The following GIGYF2 variants were observed in gnomAD, a reference collection of about 807,000 sequenced individuals.
The protein encoded by GIGYF2 is GRB10-interacting GYF protein 2.
Under a neutral mutation model 208.1 loss-of-function variants are expected in GIGYF2, and 25 were observed. That is an observed-to-expected ratio of 0.12 (90% CI 0.09 to 0.17). GIGYF2 has a LOEUF of 0.17. Ranked by LOEUF, GIGYF2 falls within the 10% of genes least tolerant of loss-of-function variation. The pLI is 1.00. For missense variants in GIGYF2, 1,302 were observed against 1,579.4 expected, an observed-to-expected ratio of 0.82 and a Z score of 2.98; for synonymous variants, 534 against 543.8, an observed-to-expected ratio of 0.98 and a Z score of 0.25.
chr2:232,711,779 T>C (rs1384537672), intron 2 of GIGYF2, among the ~76,000 whole-genome samples: 1 of 149,474 alleles, frequency 6.7e-6, no homozygotes, highest in African/African-American at 2.4e-5. Context: ...TATTCTTTGA[T>C]ATTACACTAA....
Position 232,847,528 on chromosome 2 carries a change from A to AGCAGCAGCC in GIGYF2, c.3644_3652dup (p.Gln1215_Pro1217dup), listed in dbSNP as rs1314395771. On this transcript the variant is annotated inframe_insertion, in exon 27 of 29. Coordinates refer to ENST00000373563, the MANE Select transcript of GIGYF2 (RefSeq NM_001103146.3). Reference sequence around the variant, plus strand: ...CAGCAGCAGCTGCCACAGCAGCAGCAGCAGCAGCCGCCACAGCAGCCGCCA... The same window carrying AGCAGCAGCC: ...CAGCAGCAGCTGCCACAGCAGCAGCAGCAGCAGCCGCAGCAGCCGCCACAGCAGCCGCCA... 3 of 1,605,368 alleles carry AGCAGCAGCC rather than the reference A, an allele frequency of 1.9e-6. No homozygotes were observed. In the African/African-American group the frequency reaches 4.0e-5, roughly 22 times the overall value.
chr2:232,783,362 T>A (rs931652257), intron 8 of GIGYF2, among the ~76,000 whole-genome samples: 3 of 152,206 alleles, frequency 2.0e-5, no homozygotes, highest in Non-Finnish European at 4.4e-5. Context: ...TTTTGTTTAT[T>A]ATTTTTCTTA....
rs374448147 is a variant in GIGYF2 at position 232,806,460 on chromosome 2, T to C, written c.1640-31T>C. ...CTCTTTGAGTCTGAAAGGTTTCTTA[T>C]TGTCTTTCTGTTTAATTGGTGCTGT... On this transcript the variant is annotated intron_variant, in intron 14 of 28. Transcript: ENST00000373563. This position sits in a 1 kb window ranked among gnomAD's most constrained non-coding sequence, Gnocchi z 4.0. The C allele has an allele frequency of 1.5e-5, 22 of 1,486,834 alleles. No individual in the cohort carries two copies. Among genetic ancestry groups the C allele is most frequent in the East Asian group, 4.5e-5 (2 of 44,326 alleles). The allele number at this position is 1,486,834 out of a possible 1,614,324, so 92.1% of individuals were successfully genotyped here. A position where few individuals can be genotyped will look rare whatever the true frequency, so the allele number is the denominator to read the frequency against.
chr2:232,744,453 A>T (rs1698073894), intron 3 of GIGYF2, among the ~76,000 whole-genome samples: 1 of 152,168 alleles, frequency 6.6e-6, no homozygotes, highest in African/African-American at 2.4e-5. Context: ...GTTCTAATAA[A>T]ATATATGTAT....
rs868533512 is a variant in GIGYF2, at chr2:232,847,522, A to C, written c.3635A>C (p.Gln1212Pro). ...QQRQQQQLPQ[Q>P]QQQQPPQQPP... ...CGTCAGCAGCAGCAGCTGCCACAGC[A>C]GCAGCAGCAGCAGCCGCCACAGCAG... Residue 1212 changes from glutamine (Q) to proline (P), a missense_variant, in exon 27 of 29, where the codon CAG (glutamine) becomes CCG (proline). Physicochemically the swap from Gln to Pro is moderately conservative, Grantham distance 76 (BLOSUM62 -1). Coordinates refer to ENST00000373563, the MANE Select transcript of GIGYF2 (RefSeq NM_001103146.3). The C allele has an allele frequency of 4.2e-6, 6 of 1,427,526 alleles. No homozygotes were observed. The highest frequency in any genetic ancestry group is 1.4e-5 in the African/African-American group (1 of 70,218). 88.4% of individuals were successfully genotyped at this position (1,427,526 alleles called of 1,614,324 possible).
chr2:232,794,207 A>G (rs963293775), intron 12 of GIGYF2, among the ~76,000 whole-genome samples: 4 of 152,224 alleles, frequency 2.6e-5, no homozygotes, highest in Non-Finnish European at 1.5e-5. Flanking sequence ...AACCTCTTTT[A>G]TAATTTGTAT....
rs61071359 is a variant in GIGYF2, at chr2:232,777,114, C to CT, written c.533-10025dup. On this transcript the variant is annotated intron_variant, in intron 8 of 28. Coordinates refer to ENST00000373563, the MANE Select transcript of GIGYF2 (RefSeq NM_001103146.3). ...TTTATTTTTTTGGTTAGGAAACAAACTTTTTTTTTTTAAAGGCTGTATACA... is the reference window on the plus strand; with the variant it reads ...TTTATTTTTTTGGTTAGGAAACAAACTTTTTTTTTTTTAAAGGCTGTATACA... Among the ~76,000 whole-genome samples the CT allele has an allele frequency of 4.2e-3, 617 of 146,146 alleles. 3 individuals carry two copies. Among genetic ancestry groups the CT allele is most frequent in the South Asian group, 9.1e-3 (42 of 4,640 alleles).
chr2:232,779,300 A>G (rs1216522910), intron 8 of GIGYF2, among the ~76,000 whole-genome samples: 1 of 152,224 alleles, frequency 6.6e-6, no homozygotes, highest in African/African-American at 2.4e-5. Flanking sequence ...GATTAAATTA[A>G]ACAAGGTACC....
At chr2:232,824,511 G>A (rs1453853709) in intron 21 of GIGYF2, among the ~76,000 whole-genome samples, 1 of 152,198 alleles carries the variant, frequency 6.6e-6, no homozygotes, top group East Asian at 1.9e-4. Context: ...CCAGAACAAG[G>A]CCTCAAAACT....
At chr2:232,768,330 A>G in intron 8 of GIGYF2, 2 of 1,614,198 alleles carry the variant, frequency 1.2e-6, no homozygotes, top group East Asian at 2.2e-5. Context: ...AAAATTCTCC[A>G]TCTTGATTTG....
At chr2:232,771,589 G>T (rs987584898) in intron 8 of GIGYF2, among the ~76,000 whole-genome samples, 3 of 152,024 alleles carry the variant, frequency 2.0e-5, no homozygotes, top group Non-Finnish European at 4.4e-5. Flanking sequence ...CTCTTCTATT[G>T]TTTCTTTGAA....
chr2:232,822,594 C>T (rs4973559), intron 21 of GIGYF2, among the ~76,000 whole-genome samples: 97,294 of 151,364 alleles, frequency 0.64, 31,770 homozygotes, highest in African/African-American at 0.72. Context: ...GGCAGGAGAA[C>T]TGCTTGAACG....
chr2:232,757,297 C>G (rs1472591730), intron 6 of GIGYF2, among the ~76,000 whole-genome samples: 1 of 152,054 alleles, frequency 6.6e-6, no homozygotes, highest in Non-Finnish European at 1.5e-5. Flanking sequence ...ACTTGTTTTG[C>G]TAGGTACTAT....
intron 8 of GIGYF2, among the ~76,000 whole-genome samples, chr2:232,781,323 A>C (rs559337453): frequency 0.013 from 1,162 of 88,308 alleles, 9 homozygotes; most frequent in Non-Finnish European, 0.021. Context: ...CACACACACA[A>C]CTTATAAAGA....
intron 22 of GIGYF2, among the ~76,000 whole-genome samples, chr2:232,834,601 A>T (rs779468446): frequency 8.5e-5 from 13 of 152,174 alleles, no homozygotes; most frequent in Non-Finnish European, 5.9e-5. Flanking sequence ...AAACTGGAGA[A>T]GTTTTTAGCC....
At chr2:232,705,801 T>C (rs1696081057) in intron 2 of GIGYF2, 1 of 152,272 alleles carries the variant, frequency 6.6e-6, no homozygotes, top group African/African-American at 2.4e-5. Context: ...TTTCCTGGGT[T>C]CAAGCGATTC....
At chr2:232,809,658 TG>T in intron 15 of GIGYF2, 61 bp from the exon 16 acceptor site, 1 of 908,428 alleles carries the variant, frequency 1.1e-6, no homozygotes, top group Non-Finnish European at 1.9e-6. Context: ...CTGTACTAAG[TG>T]GCTTTTAGGT....
Position 232,812,436 on chromosome 2 carries a change from C to G in GIGYF2, c.2052C>G (p.Ser684=). 6.4e-7 allele frequency: 1 copy of G among 1,556,806 alleles called. No individual in the cohort carries two copies. The highest frequency in any genetic ancestry group is 8.9e-7 in the Non-Finnish European group (1 of 1,128,278). The change falls in exon 18 of 29, where the codon TCC becomes TCG. Residue 684 remains serine, a synonymous_variant. Transcript: ENST00000373563. ...TTCCCTCAGTAACTAGGTCTGTGTCCGTGCCAGATACTGGCTCTATCTGGG... is the reference window on the plus strand; with the variant it reads ...TTCCCTCAGTAACTAGGTCTGTGTCGGTGCCAGATACTGGCTCTATCTGGG... ...NIIPSVTRSV[S]VPDTGSIWEL... is the part of the protein sequence containing the mutation.
At position 232,806,297 on chromosome 2, in the gene GIGYF2, AACACAGAC is replaced by A. The variant is rs1474525232; in HGVS notation, c.1640-193_1640-186del. Among the ~76,000 whole-genome samples, 1 of 152,252 alleles carries A rather than the reference AACACAGAC, an allele frequency of 6.6e-6. No individual in the cohort carries two copies. The highest frequency in any genetic ancestry group is 1.5e-5 in the Non-Finnish European group (1 of 68,040). ...TGCTGCTGATAATTTGGGATGTATA[AACACAGAC>A]TTTATTTAAAAATTATTTTAGTAGT... is the stretch of plus-strand genomic sequence containing the variant. On this transcript the variant is annotated intron_variant, in intron 14 of 28. Transcript: ENST00000373563. The surrounding 1 kb of genome is among the most constrained non-coding windows in gnomAD (Gnocchi z 4.0).
Sources: gnomAD v4.1 joint callset for allele counts (sites outside exome capture counted in the v4.1 genomes callset) on GRCh38, gnomAD v4.1.1 for gene constraint, Gnocchi (gnomAD v3.1) non-coding constraint, MANE v1.5 for transcripts, NCBI Gene and HGNC (gene_info 2026-07-23, HGNC 2026-07-21) for gene names.